The following MINPP1 variants were observed in gnomAD, a reference collection of about 807,000 sequenced individuals.
The protein encoded by MINPP1 is multiple inositol-polyphosphate phosphatase 1.
Under a neutral mutation model 46.1 loss-of-function variants are expected in MINPP1, and 28 were observed. The observed-to-expected ratio is 0.61, with a 90% CI of 0.45 to 0.83. The LOEUF (loss-of-function observed/expected upper bound fraction) is 0.83, where lower values mean the gene tolerates loss of function less well. MINPP1 is among the 40% of genes least tolerant of loss of function. The pLI is 0.00. For synonymous variants in MINPP1, 268 were observed against 249.1 expected (o/e 1.08, Z -0.72); for missense variants, 603 against 610.0 (o/e 0.99, Z 0.12).
At chr10:87,547,476 CT>C (rs1453018094) in intron 4 of MINPP1, among the ~76,000 whole-genome samples, 3 of 152,130 alleles carry the variant, frequency 2.0e-5, no homozygotes, top group African/African-American at 7.2e-5. Flanking sequence ...TACTCTACTC[CT>C]CATAAACAAG....
At chr10:87,542,724 G>A (rs1270211983) in intron 4 of MINPP1, among the ~76,000 whole-genome samples, 7 of 152,160 alleles carry the variant, frequency 4.6e-5, no homozygotes, top group Admixed American at 1.3e-4. Flanking sequence ...CTAGAGCCAC[G>A]CTTCCTGTAC....
At chr10:87,507,733 T>C in intron 1 of MINPP1, 4 of 607,344 alleles carry the variant, frequency 6.6e-6, no homozygotes, top group South Asian at 1.5e-4. Context: ...ATAATGTAAT[T>C]TATTAAATTT....
At chr10:87,525,776 G>A (rs934842625) in intron 4 of MINPP1, among the ~76,000 whole-genome samples, 1 of 152,124 alleles carries the variant, frequency 6.6e-6, no homozygotes, top group Non-Finnish European at 1.5e-5. Flanking sequence ...TCATTGTTCA[G>A]TTCCCACCTA....
intron 2 of MINPP1, chr10:87,509,580 A>G (rs1428547970): frequency 1.8e-5 from 3 of 171,198 alleles, no homozygotes; most frequent in African/African-American, 7.1e-5. Context: ...CTTGCCTTAA[A>G]TAAATTGAGG....
chr10:87,544,058 C>A (rs966416964), intron 4 of MINPP1, among the ~76,000 whole-genome samples: 1 of 152,314 alleles, frequency 6.6e-6, no homozygotes, highest in East Asian at 1.9e-4. Context: ...TCAGATCTTA[C>A]AAGTTGAGGA....
chr10:87,552,215 C>T lies in MINPP1; in HGVS notation c.1201C>T (p.Arg401Trp), dbSNP rs923645834. The change falls in exon 5 of 5, where the codon CGG becomes TGG. Residue 401 changes from arginine (R) to tryptophan (W), a missense_variant. Physicochemically the swap from Arg to Trp is moderately radical, Grantham distance 101 (BLOSUM62 -3). Around this residue, in one of 3 missense-constraint regions of MINPP1, gnomAD observed 344 missense variants for 381.1 expected, o/e 0.90. Transcript: ENST00000371996. The part of the protein sequence containing the change: ...TAYNYKKQMH[R>W]KFRSGLIVPY... ...GTACAATTACAAAAAACAAATGCAT[C>T]GGAAGTTCCGAAGTGGTCTCATTGT... 5 of 1,613,794 alleles carry T rather than the reference C, an allele frequency of 3.1e-6. No individual in the cohort carries two copies. Among genetic ancestry groups the T allele is most frequent in the Non-Finnish European group, 3.4e-6 (4 of 1,179,820 alleles).
intron 4 of MINPP1, among the ~76,000 whole-genome samples, chr10:87,529,907 T>G (rs1851632848): frequency 6.6e-6 from 1 of 152,216 alleles, no homozygotes; most frequent in African/African-American, 2.4e-5. Flanking sequence ...TCATTTCTTT[T>G]TGTTCTTTTT....
At chr10:87,509,784 G>A in intron 2 of MINPP1, 1 of 275,854 alleles carries the variant, frequency 3.6e-6, no homozygotes, top group Non-Finnish European at 7.5e-6. Flanking sequence ...GCAACTTTTT[G>A]TTTTTGATGT....
At chr10:87,535,528 G>C (rs1259042031) in intron 4 of MINPP1, among the ~76,000 whole-genome samples, 1 of 152,186 alleles carries the variant, frequency 6.6e-6, no homozygotes, top group Non-Finnish European at 1.5e-5. Context: ...AAATGCCCAA[G>C]TTAATTTGAT....
intron 4 of MINPP1, among the ~76,000 whole-genome samples, chr10:87,525,091 A>T (rs80286569): frequency 0.032 from 4,834 of 152,300 alleles, 258 homozygotes; most frequent in African/African-American, 0.11. Context: ...GGCAAAATGC[A>T]GTATCTACAA....
At chr10:87,527,185 A>G (rs1851589931) in intron 4 of MINPP1, among the ~76,000 whole-genome samples, 1 of 152,182 alleles carries the variant, frequency 6.6e-6, no homozygotes, top group Non-Finnish European at 1.5e-5. Context: ...TGAGCATGGA[A>G]TGTTCTTCCA....
At chr10:87,543,201 A>G (rs1589385156) in intron 4 of MINPP1, among the ~76,000 whole-genome samples, 1 of 152,352 alleles carries the variant, frequency 6.6e-6, no homozygotes, top group East Asian at 1.9e-4. Context: ...CTATGATCTA[A>G]TATGGGAGCA....
rs536058669 is a variant in MINPP1, at chr10:87,540,233, G to A, written c.1068-11849G>A. Reference sequence around the variant, plus strand: ...ATGGTATCCTGAACCTCACCACTCTGTTTATTGAATGGTAGTGACAAAGCC... The same window carrying A: ...ATGGTATCCTGAACCTCACCACTCTATTTATTGAATGGTAGTGACAAAGCC... On this transcript the variant is annotated intron_variant, in intron 4 of 4. Transcript: ENST00000371996. Among the ~76,000 whole-genome samples, 7 of 152,288 alleles carry A rather than the reference G, an allele frequency of 4.6e-5. No homozygotes were observed. The East Asian group carries it at 1.3e-3, about 29-fold the overall frequency.
chr10:87,525,231 C>CT (rs879491558), intron 4 of MINPP1, among the ~76,000 whole-genome samples: 1 of 152,228 alleles, frequency 6.6e-6, no homozygotes, highest in Non-Finnish European at 1.5e-5. Flanking sequence ...AACTTTAGAA[C>CT]ATTTTCATCG....
chr10:87,530,942 C>G (rs867181589), intron 4 of MINPP1, among the ~76,000 whole-genome samples: 1 of 152,130 alleles, frequency 6.6e-6, no homozygotes, highest in African/African-American at 2.4e-5. Flanking sequence ...CCTTGCAATT[C>G]GATTTCAGGC....
In MINPP1 at chr10:87,516,267, A is replaced by G. The variant is rs955069475; in HGVS notation, c.933+3046A>G. Among the ~76,000 whole-genome samples, 3 of 104,910 alleles carry G rather than the reference A, an allele frequency of 2.9e-5. 1 individual carries two copies. Among genetic ancestry groups the G allele is most frequent in the Non-Finnish European group, 7.5e-5 (3 of 40,078 alleles). 68.8% of individuals were successfully genotyped at this position (104,910 alleles called of 152,430 possible). A position where few individuals can be genotyped will look rare whatever the true frequency, so the allele number is the denominator to read the frequency against. ...CAAGCACTTGCTTGGAACTAAAGAC[A>G]CTAACATAAGATAGATATTGTCCTC... On this transcript the variant is annotated intron_variant, in intron 3 of 4. Coordinates refer to ENST00000371996, the MANE Select transcript of MINPP1 (RefSeq NM_004897.5).
chr10:87,520,752 C>T (rs1851488859), intron 3 of MINPP1, among the ~76,000 whole-genome samples: 1 of 152,060 alleles, frequency 6.6e-6, no homozygotes, highest in Non-Finnish European at 1.5e-5. Flanking sequence ...TTACTCCACT[C>T]TCTTGAGCTG....
At chr10:87,519,211 C>T (rs1475707499) in intron 3 of MINPP1, among the ~76,000 whole-genome samples, 2 of 152,094 alleles carry the variant, frequency 1.3e-5, no homozygotes, top group East Asian at 1.9e-4. Flanking sequence ...CACAGGTCAG[C>T]CCCTGGTTTT....
At chr10:87,538,895 A>G (rs1197889959) in intron 4 of MINPP1, among the ~76,000 whole-genome samples, 3 of 152,218 alleles carry the variant, frequency 2.0e-5, no homozygotes, top group Middle Eastern at 3.2e-3. Context: ...AAAACATGCA[A>G]TTATTAGTTG....
Sources: gnomAD v4.1 joint callset for allele counts (sites outside exome capture counted in the v4.1 genomes callset) on GRCh38, gnomAD v4.1.1 for gene constraint, gnomAD v4.1.1 regional missense constraint, MANE v1.5 for transcripts, NCBI Gene and HGNC (gene_info 2026-07-23, HGNC 2026-07-21) for gene names.